STK39: variants seen among roughly 807,000 people sequenced by gnomAD.
STK39 encodes serine/threonine kinase 39.
STK39 carries 20 observed loss-of-function variants against 77.8 expected under a neutral mutation model. The ratio of observed to expected loss-of-function variants is 0.26; its 90% confidence interval spans 0.18 to 0.37. STK39 has a LOEUF of 0.37. STK39 is among the 10% of genes least tolerant of loss of function. The pLI is 1.00. For missense variants in STK39, 479 were observed against 656.5 expected (o/e 0.73, Z 2.95); for synonymous variants, 246 against 234.1 (o/e 1.05, Z -0.47).
At chr2:168,197,268 G>A (rs1689496046) in intron 1 of STK39, among the ~76,000 whole-genome samples, 1 of 152,188 alleles carries the variant, frequency 6.6e-6, no homozygotes, top group African/African-American at 2.4e-5. Context: ...ATGCAAAGGA[G>A]GAGACATTTA....
chr2:168,157,833 T>C (rs778382035), intron 5 of STK39, among the ~76,000 whole-genome samples: 59 of 152,186 alleles, frequency 3.9e-4, no homozygotes, highest in Non-Finnish European at 1.5e-4. Flanking sequence ...GAGATCTACC[T>C]TACATAATGT....
intron 10 of STK39, among the ~76,000 whole-genome samples, chr2:168,123,381 A>G (rs1687457020): frequency 6.6e-6 from 1 of 152,200 alleles, no homozygotes; most frequent in Admixed American, 6.5e-5. Context: ...AATTTTGAAA[A>G]CTGTACTGTT....
At position 168,068,122 on chromosome 2, in the gene STK39, G is replaced by A. The variant is rs181931787; in HGVS notation, c.1243-2741C>T. Among the ~76,000 whole-genome samples, 231 of 152,234 alleles carry A rather than the reference G, an allele frequency of 1.5e-3. 2 individuals carry two copies. The highest frequency in any genetic ancestry group is 5.2e-3 in the African/African-American group (215 of 41,530). ...AACCTGCTGCTATGATTCAATTACC[G>A]CTCATCGGGTCCCTCCCATGACATG... On this transcript the variant is annotated intron_variant, in intron 12 of 17. Transcript: ENST00000355999.
chr2:168,214,851 T>A (rs1689986603), intron 1 of STK39, among the ~76,000 whole-genome samples: 1 of 152,168 alleles, frequency 6.6e-6, no homozygotes, highest in South Asian at 2.1e-4. Context: ...AGGTAAGATT[T>A]TCCTCTACAC....
intron 2 of STK39, 146 bp downstream of exon 2, chr2:168,181,832 C>G (rs758731210): frequency 5.9e-5 from 37 of 623,360 alleles, no homozygotes; most frequent in Non-Finnish European, 9.8e-5. Flanking sequence ...TCCCATTAAT[C>G]TGGGGAGCAG....
At chr2:168,098,555 G>C (rs966133875) in intron 10 of STK39, among the ~76,000 whole-genome samples, 11 of 151,992 alleles carry the variant, frequency 7.2e-5, no homozygotes, top group Non-Finnish European at 1.3e-4. Flanking sequence ...CTATTGACAG[G>C]GGCTGCTTGT....
At chr2:168,156,378 C>T (rs1389701140) in intron 5 of STK39, among the ~76,000 whole-genome samples, 1 of 152,042 alleles carries the variant, frequency 6.6e-6, no homozygotes, top group Non-Finnish European at 1.5e-5. Context: ...TGCTTTATTC[C>T]ATCAACAATG....
chr2:167,988,691 T>C (rs1327428276), intron 16 of STK39, among the ~76,000 whole-genome samples: 2 of 152,210 alleles, frequency 1.3e-5, no homozygotes, highest in East Asian at 1.9e-4. Flanking sequence ...AAGGTGGTGA[T>C]AGAGCTGATT....
intron 1 of STK39, among the ~76,000 whole-genome samples, chr2:168,240,507 GA>G (rs1413693592): frequency 6.6e-6 from 1 of 152,226 alleles, no homozygotes; most frequent in African/African-American, 2.4e-5. Flanking sequence ...TCAAATCAAA[GA>G]AGATCTCAAG....
intron 14 of STK39, among the ~76,000 whole-genome samples, chr2:168,055,286 T>C (rs1429906559): frequency 1.3e-5 from 2 of 152,232 alleles, no homozygotes; most frequent in African/African-American, 4.8e-5. Context: ...TCTGGCATAC[T>C]CATGCTAAAA....
At chr2:168,131,823 T>G (rs1191292931) in intron 8 of STK39, among the ~76,000 whole-genome samples, 1 of 152,236 alleles carries the variant, frequency 6.6e-6, no homozygotes, top group East Asian at 1.9e-4. Context: ...TTTTAATGTA[T>G]ACTCTTCCTG....
intron 12 of STK39, among the ~76,000 whole-genome samples, chr2:168,072,730 C>T (rs966562628): frequency 2.0e-5 from 3 of 152,148 alleles, no homozygotes; most frequent in African/African-American, 7.2e-5. Flanking sequence ...ATACTTCATG[C>T]TTTGCTTACA....
intron 16 of STK39, among the ~76,000 whole-genome samples, chr2:168,007,119 A>G (rs1440862171): frequency 6.6e-6 from 1 of 152,260 alleles, no homozygotes; most frequent in Non-Finnish European, 1.5e-5. Flanking sequence ...TTTTTAATCT[A>G]TTTAAATGTT....
Position 168,222,354 on chromosome 2 carries a change from A to G in STK39, c.208+24874T>C, listed in dbSNP as rs139301814. Among the ~76,000 whole-genome samples the G allele has an allele frequency of 1.8e-3, 269 of 152,308 alleles. 4 individuals carry two copies. Among genetic ancestry groups the G allele is most frequent in the African/African-American group, 6.1e-3 (255 of 41,528 alleles). ...GACAGGCCATGAGGATTGCTGCTTT[A>G]TGCAACTTATTTTATCAATTGCATT... On this transcript the variant is annotated intron_variant, in intron 1 of 17. Coordinates refer to ENST00000355999, the MANE Select transcript of STK39 (RefSeq NM_013233.3).
chr2:168,109,915 A>C (rs1463750934), intron 10 of STK39, among the ~76,000 whole-genome samples: 1 of 152,148 alleles, frequency 6.6e-6, no homozygotes, highest in Non-Finnish European at 1.5e-5. Flanking sequence ...TGATTTGAAG[A>C]AGTTCTTTAT....
At chr2:168,192,669 C>A (rs772905204) in intron 1 of STK39, among the ~76,000 whole-genome samples, 1 of 152,168 alleles carries the variant, frequency 6.6e-6, no homozygotes, top group Non-Finnish European at 1.5e-5. Flanking sequence ...ATGACAATAG[C>A]ATCTACCTCA....
intron 14 of STK39, among the ~76,000 whole-genome samples, chr2:168,040,038 C>T (rs10169506): frequency 0.25 from 38,473 of 151,942 alleles, 5,685 homozygotes; most frequent in African/African-American, 0.41. Context: ...AGTACCATCT[C>T]TGGGCTCTGG....
At position 168,061,237 on chromosome 2, in the gene STK39, G is replaced by C. The variant is rs1310305808; in HGVS notation, c.1376+2263C>G. 2.2e-5 allele frequency among the ~76,000 whole-genome samples: 3 copies of C among 138,856 alleles called. No homozygotes were observed. In the Admixed American group the frequency reaches 2.2e-4, roughly 10 times the overall value. The allele number at this position is 138,856 out of a possible 152,430, so 91.1% of individuals were successfully genotyped here. ...TGATTTAGGAGAAATATAGAGTGTG[G>C]ATTACAAAAAAAAAAAAAACCACAT... On this transcript the variant is annotated intron_variant, in intron 14 of 17. Transcript: ENST00000355999.
intron 10 of STK39, among the ~76,000 whole-genome samples, chr2:168,125,103 C>A (rs1687507373): frequency 6.6e-6 from 1 of 151,978 alleles, no homozygotes; most frequent in African/African-American, 2.4e-5. Context: ...GCACATGTAT[C>A]CCAGAACTTA....
Sources: gnomAD v4.1 joint callset for allele counts (sites outside exome capture counted in the v4.1 genomes callset) on GRCh38, gnomAD v4.1.1 for gene constraint, MANE v1.5 for transcripts, NCBI Gene and HGNC (gene_info 2026-07-23, HGNC 2026-07-21) for gene names.